The following KCNK2 variants were observed in gnomAD, a reference collection of about 807,000 sequenced individuals.
KCNK2 encodes the protein potassium two pore domain channel subfamily K member 2, also known as potassium channel subfamily K member 2.
KCNK2 carries 21 observed loss-of-function variants against 40.5 expected under a neutral mutation model. The observed-to-expected ratio is 0.52, with a 90% CI of 0.37 to 0.75. The LOEUF is 0.75. Ranked by LOEUF, KCNK2 falls within the 30% of genes least tolerant of loss-of-function variation. The pLI is 0.00. For missense variants in KCNK2, 399 were observed against 531.6 expected (o/e 0.75, Z 2.45); for synonymous variants, 191 against 202.2 (o/e 0.94, Z 0.47).
chr1:215,147,195 G>A (rs527612308), intron 3 of KCNK2, among the ~76,000 whole-genome samples: 2 of 151,918 alleles, frequency 1.3e-5, no homozygotes, highest in African/African-American at 4.8e-5. Context: ...TATAGCTTGC[G>A]ACCCATAAAC....
rs1659222935 is a variant in KCNK2, at chr1:215,082,832, C to G, written c.-554C>G. ...CGCCCGGACCGTGCCACACACCCCCCGCGGGGCACGGAGGGCATTGCGGGG... is the reference window on the plus strand; with the variant it reads ...CGCCCGGACCGTGCCACACACCCCCGGCGGGGCACGGAGGGCATTGCGGGG... On this transcript the variant is annotated 5_prime_UTR_variant, in exon 1 of 7. Coordinates refer to ENST00000444842, the MANE Select transcript of KCNK2 (RefSeq NM_001017425.3). 6.6e-6 allele frequency among the ~76,000 whole-genome samples: 1 copy of G among 152,122 alleles called. No homozygotes were observed. The highest frequency in any genetic ancestry group is 2.4e-5 in the African/African-American group (1 of 41,554).
chr1:215,160,341 G>A (rs759535264), intron 3 of KCNK2, among the ~76,000 whole-genome samples: 10 of 152,216 alleles, frequency 6.6e-5, no homozygotes, highest in Non-Finnish European at 1.3e-4. Context: ...CGAAAGCAAA[G>A]TGGGAAAATA....
At chr1:215,229,874 C>G (rs979457161) in intron 6 of KCNK2, among the ~76,000 whole-genome samples, 1 of 151,656 alleles carries the variant, frequency 6.6e-6, no homozygotes, top group Non-Finnish European at 1.5e-5. Flanking sequence ...GCTCTGCACT[C>G]CTCTAAAAGA....
chr1:215,056,263 G>A (rs1297604490), intron 1 of KCNK2, among the ~76,000 whole-genome samples: 5 of 146,452 alleles, frequency 3.4e-5, no homozygotes, highest in African/African-American at 1.3e-4. Flanking sequence ...AGCCGAGATC[G>A]CGCCATTGCA....
chr1:215,172,182 A>G lies in KCNK2; in HGVS notation c.822A>G (p.Ala274=). 1 of 1,610,438 alleles carries G rather than the reference A, an allele frequency of 6.2e-7. No homozygotes were observed. The highest frequency in any genetic ancestry group is 8.5e-7 in the Non-Finnish European group (1 of 1,178,370). The change falls in exon 5 of 7, where the codon GCA becomes GCG. Residue 274 remains alanine, a splice_region_variant and synonymous_variant. Coordinates refer to ENST00000444842, the MANE Select transcript of KCNK2 (RefSeq NM_001017425.3). ...CTATTGGATTTGGTGACTACGTTGC[A>G]GGTAAGCTTTTCCTGGCATCCATGT... ...LTTIGFGDYV[A]GGSDIEYLDF...
At chr1:215,196,910 A>C (rs1465259884) in intron 6 of KCNK2, among the ~76,000 whole-genome samples, 1 of 152,200 alleles carries the variant, frequency 6.6e-6, no homozygotes, top group Admixed American at 6.5e-5. Context: ...ACAAGCATGT[A>C]TTTCTTAAAT....
At chr1:215,187,586 G>C (rs1664494552) in intron 5 of KCNK2, among the ~76,000 whole-genome samples, 1 of 151,656 alleles carries the variant, frequency 6.6e-6, no homozygotes, top group Admixed American at 6.6e-5. Context: ...CAAAATTAGA[G>C]AAAAGTGAAA....
intron 1 of KCNK2, among the ~76,000 whole-genome samples, chr1:215,039,983 T>C (rs753318855): frequency 6.6e-6 from 1 of 152,142 alleles, no homozygotes; most frequent in Non-Finnish European, 1.5e-5. Context: ...CAGAACATTA[T>C]GGAATGCCAT....
At chr1:215,035,068 C>A (rs1355956715) in intron 1 of KCNK2, among the ~76,000 whole-genome samples, 1 of 152,022 alleles carries the variant, frequency 6.6e-6, no homozygotes, top group Non-Finnish European at 1.5e-5. Context: ...TAACTCCTAC[C>A]CCTGTGAGAA....
chr1:215,052,657 C>A (rs1387584528), intron 1 of KCNK2, among the ~76,000 whole-genome samples: 3 of 152,166 alleles, frequency 2.0e-5, no homozygotes, highest in Non-Finnish European at 2.9e-5. Context: ...CAGCCCTCTA[C>A]AACAGGAATT....
intron 6 of KCNK2, among the ~76,000 whole-genome samples, chr1:215,223,895 A>C (rs573617545): frequency 6.6e-6 from 1 of 152,322 alleles, no homozygotes; most frequent in South Asian, 2.1e-4. Flanking sequence ...AAAAAACTGA[A>C]GCAGAGAATG....
intron 6 of KCNK2, among the ~76,000 whole-genome samples, chr1:215,221,679 G>A (rs772711230): frequency 1.3e-5 from 2 of 152,110 alleles, no homozygotes; most frequent in Non-Finnish European, 2.9e-5. Context: ...CTGTCTCAGC[G>A]ATTGCAGAGG....
intron 5 of KCNK2, among the ~76,000 whole-genome samples, chr1:215,191,976 C>T (rs550689314): frequency 3.3e-5 from 5 of 152,144 alleles, no homozygotes; most frequent in Non-Finnish European, 5.9e-5. Context: ...AAATTACACT[C>T]GATTCTTAGT....
chr1:215,217,796 C>G (rs1239262860), intron 6 of KCNK2, among the ~76,000 whole-genome samples: 6 of 152,176 alleles, frequency 3.9e-5, no homozygotes, highest in South Asian at 4.1e-4. Context: ...TTATGATGGA[C>G]TTAGGGTAGT....
intron 2 of KCNK2, among the ~76,000 whole-genome samples, chr1:215,121,071 G>T (rs1661170538): frequency 6.6e-6 from 1 of 152,132 alleles, no homozygotes; most frequent in South Asian, 2.1e-4. Flanking sequence ...GCTCTGGAAA[G>T]ACTGTTCAGT....
intron 2 of KCNK2, among the ~76,000 whole-genome samples, chr1:215,109,886 A>T (rs1660604160): frequency 1.3e-5 from 2 of 151,870 alleles, no homozygotes; most frequent in Admixed American, 6.6e-5. Flanking sequence ...AACATCTGTT[A>T]TTTTTTATCT....
rs150160693 is a variant in KCNK2, at chr1:215,188,537, T to C, written c.824-6416T>C. Among the ~76,000 whole-genome samples, 145 of 152,248 alleles carry C rather than the reference T, an allele frequency of 9.5e-4. 1 individual carries two copies. Among genetic ancestry groups the C allele is most frequent in the African/African-American group, 3.3e-3 (136 of 41,562 alleles). On this transcript the variant is annotated intron_variant, in intron 5 of 6. Transcript: ENST00000444842. ...AGTGGAGTGCTCAGAGCTTGCTCAA[T>C]TTAAGAGAATTTTATTATGAAAACA...
At chr1:215,137,364 A>C (rs1326319342) in intron 3 of KCNK2, among the ~76,000 whole-genome samples, 1 of 152,200 alleles carries the variant, frequency 6.6e-6, no homozygotes. Flanking sequence ...CACCTGTTTT[A>C]TGTAATTATT....
rs1229850912 is a variant in KCNK2, at chr1:215,234,981, C to T, written c.1117C>T (p.His373Tyr). ...GCTCTCGGCAGAACTGGCTGGAAAC[C>T]ACAATCAGGAGCTGACTCCTTGTAG... ...RKLSAELAGN[H>Y]NQELTPCRRT... is the part of the protein sequence containing the mutation. The change falls in exon 7 of 7, where the codon CAC (histidine) becomes TAC (tyrosine). Residue 373 changes from histidine (H) to tyrosine (Y), a missense_variant. By Grantham distance (83) the His-to-Tyr change is moderately conservative. Around this residue, in one of 3 missense-constraint regions of KCNK2, gnomAD observed 103 missense variants for 124.3 expected, o/e 0.83. Transcript: ENST00000444842. 2 of 1,614,016 alleles carry T rather than the reference C, an allele frequency of 1.2e-6. No individual in the cohort carries two copies. Among genetic ancestry groups the T allele is most frequent in the Admixed American group, 1.7e-5 (1 of 60,014 alleles).
Sources: allele counts gnomAD v4.1 joint callset (sites outside exome capture counted in the v4.1 genomes callset), GRCh38; gene constraint gnomAD v4.1.1; regional missense constraint gnomAD v4.1.1; transcripts MANE v1.5; gene names NCBI Gene and HGNC (gene_info 2026-07-23, HGNC 2026-07-21).